VPS29: variants seen among roughly 807,000 people sequenced by gnomAD.
VPS29 encodes VPS29 retromer complex component.
VPS29 carries 2 observed loss-of-function variants against 20.0 expected under a neutral mutation model. The observed-to-expected ratio is 0.10, with a 90% CI of 0.04 to 0.31. The LOEUF (loss-of-function observed/expected upper bound fraction) is 0.31, where lower values mean the gene tolerates loss of function less well. Among genes scored for constraint, VPS29 ranks in the 10% least tolerant of loss-of-function variants. The pLI, the probability that VPS29 is intolerant of heterozygous loss-of-function variation, is 1.00. For missense variants in VPS29, 120 were observed against 215.3 expected (o/e 0.56, Z 2.77); for synonymous variants, 81 against 79.3 (o/e 1.02, Z -0.12).
At chr12:110,501,751 C>A (rs1334826318) in intron 1 of VPS29, 1 of 1,120,170 alleles carries the variant, frequency 8.9e-7, no homozygotes, top group Non-Finnish European at 1.3e-6. Context: ...AAAGGCCTTC[C>A]CTGGCTCGGG....
rs1400868673 is a variant in VPS29, at chr12:110,493,281, G to GT, written c.196-51dup. 3.8e-6 allele frequency: 5 copies of GT among 1,301,476 alleles called. No homozygotes were observed. The African/African-American group carries it at 7.6e-5, about 20-fold the overall frequency. 80.6% of individuals were successfully genotyped at this position (1,301,476 alleles called of 1,614,324 possible). A position where few individuals can be genotyped will look rare whatever the true frequency, so the allele number is the denominator to read the frequency against. ...AAATATGTATTTTAGAGATACTGAT[G>GT]TTTAAAAAAATCAGTTTCCTTAAAT... On this transcript the variant is annotated intron_variant, in intron 2 of 3. Coordinates refer to ENST00000549578, the MANE Select transcript of VPS29 (RefSeq NM_016226.5).
In VPS29 at chr12:110,501,759, G is replaced by A. The variant is rs2063057836; in HGVS notation, c.3+290C>T. 8 of 1,084,068 alleles carry A rather than the reference G, an allele frequency of 7.4e-6. No homozygotes were observed. In the East Asian group the frequency reaches 1.0e-4, roughly 14 times the overall value. The allele number at this position is 1,084,068 out of a possible 1,614,324, so 67.2% of individuals were successfully genotyped here. On this transcript the variant is annotated intron_variant, in intron 1 of 3. Coordinates refer to ENST00000549578, the MANE Select transcript of VPS29 (RefSeq NM_016226.5). ...TAGGACCAAAGGCCTTCCCTGGCTC[G>A]GGCGTGCGTGTCTCGTGACAGGTCG... is the stretch of plus-strand genomic sequence containing the variant.
intron 1 of VPS29, among the ~76,000 whole-genome samples, chr12:110,498,527 A>C (rs1317727752): frequency 2.6e-5 from 4 of 152,228 alleles, no homozygotes; most frequent in Admixed American, 6.5e-5. Context: ...TTACCAAAAG[A>C]AGCTTGATTT....
At chr12:110,497,298 C>T (rs1481312942) in intron 1 of VPS29, among the ~76,000 whole-genome samples, 3 of 145,378 alleles carry the variant, frequency 2.1e-5, no homozygotes, top group African/African-American at 7.8e-5. Context: ...CTCACTGCAA[C>T]CTCCGCCTCC....
intron 2 of VPS29, among the ~76,000 whole-genome samples, chr12:110,493,802 C>T (rs2062856217): frequency 6.6e-6 from 1 of 152,164 alleles, no homozygotes; most frequent in Admixed American, 6.5e-5. Context: ...TTCTTTTGCG[C>T]ATGCTGTAAA....
chr12:110,498,834 A>G (rs1281112198), intron 1 of VPS29: 6 of 984,324 alleles, frequency 6.1e-6, no homozygotes, highest in Non-Finnish European at 7.2e-6. Flanking sequence ...ATATAGAACA[A>G]TCTTCATTTT....
At position 110,499,251 on chromosome 12, in the gene VPS29, G is replaced by A. The variant is rs2062955549; in HGVS notation, c.3+2798C>T. 9.3e-6 allele frequency: 3 copies of A among 323,636 alleles called. No individual in the cohort carries two copies. The South Asian group carries it at 1.6e-4, about 17-fold the overall frequency. The allele number at this position is 323,636 out of a possible 1,614,324, so 20.0% of individuals were successfully genotyped here. ...CCTCTGGTTTCCTGCTGATGACAAA[G>A]TTATGGGGAAATAGTGTTACATAAC... On this transcript the variant is annotated intron_variant, in intron 1 of 3. Coordinates refer to ENST00000549578, the MANE Select transcript of VPS29 (RefSeq NM_016226.5).
intron 2 of VPS29, among the ~76,000 whole-genome samples, chr12:110,494,444 CAG>C (rs998146007): frequency 2.6e-4 from 40 of 151,278 alleles, no homozygotes; most frequent in African/African-American, 7.5e-4. Flanking sequence ...TTAGTGGAGA[CAG>C]GGGTTCACCG....
intron 1 of VPS29, 105 bp from the exon 2 acceptor site, chr12:110,496,308 TC>T (rs2135581721): frequency 1.0e-6 from 1 of 976,932 alleles, no homozygotes; most frequent in South Asian, 2.5e-5. Flanking sequence ...AGATCCCGAA[TC>T]CCAGAAATTA....
chr12:110,493,525 A>G (rs1592990976), intron 2 of VPS29, among the ~76,000 whole-genome samples: 1 of 151,864 alleles, frequency 6.6e-6, no homozygotes, highest in East Asian at 1.9e-4. Flanking sequence ...ACGCCCGCCT[A>G]ATTTTTTTGT....
intron 1 of VPS29, among the ~76,000 whole-genome samples, chr12:110,501,169 C>G (rs1294592485): frequency 1.3e-5 from 2 of 152,072 alleles, no homozygotes; most frequent in Non-Finnish European, 2.9e-5. Context: ...CAGAGCGAGA[C>G]TCCATCTCAA....
intron 1 of VPS29, chr12:110,499,059 G>C (rs1452242559): frequency 6.4e-6 from 1 of 155,638 alleles, no homozygotes; most frequent in African/African-American, 2.4e-5. Context: ...GAATGTACCA[G>C]AAAGAACATT....
chr12:110,498,056 C>T (rs1345010529), intron 1 of VPS29, among the ~76,000 whole-genome samples: 1 of 149,598 alleles, frequency 6.7e-6, no homozygotes, highest in Non-Finnish European at 1.5e-5. Context: ...ACTGCAACCT[C>T]TGCCTCCCAG....
intron 2 of VPS29, among the ~76,000 whole-genome samples, chr12:110,494,655 T>C (rs1454417550): frequency 6.6e-6 from 1 of 152,132 alleles, no homozygotes; most frequent in Non-Finnish European, 1.5e-5. Context: ...TCATATTTAC[T>C]AAGGATCAGA....
intron 3 of VPS29, 53 bp downstream of exon 3, chr12:110,492,943 A>C: frequency 6.8e-7 from 1 of 1,472,440 alleles, no homozygotes; most frequent in Non-Finnish European, 9.3e-7. Flanking sequence ...GAAATGTCAC[A>C]CATGCAATTA....
chr12:110,500,246 T>C (rs2062983070), intron 1 of VPS29, among the ~76,000 whole-genome samples: 1 of 152,230 alleles, frequency 6.6e-6, no homozygotes, highest in African/African-American at 2.4e-5. Flanking sequence ...GTGTTGAACG[T>C]CTGTATCCTT....
chr12:110,501,009 G>A (rs956947543), intron 1 of VPS29, among the ~76,000 whole-genome samples: 1 of 151,924 alleles, frequency 6.6e-6, no homozygotes, highest in Admixed American at 6.6e-5. Context: ...GTGAAACCCC[G>A]TCTCTACTAA....
chr12:110,496,386 A>G (rs980210616), intron 1 of VPS29, 183 bp from the exon 2 acceptor site: 2 of 513,360 alleles, frequency 3.9e-6, no homozygotes, highest in Admixed American at 6.9e-5. Context: ...ATTTTTCTTC[A>G]GGTCATCAGC....
chr12:110,492,071 G>T lies in VPS29; in HGVS notation c.483C>A (p.Val161=). 1 of 1,613,780 alleles carries T rather than the reference G, an allele frequency of 6.2e-7. No individual in the cohort carries two copies. Among genetic ancestry groups the T allele is most frequent in the South Asian group, 1.1e-5 (1 of 91,058 alleles). The change falls in exon 4 of 4, where the codon GTC becomes GTA. Residue 161 remains valine (V), a synonymous_variant. Coordinates refer to ENST00000549578, the MANE Select transcript of VPS29 (RefSeq NM_016226.5). ...CTCCAATTAGCTGATACACATAGGTGACCACTGTAGAAGCCTGGATATCCA... is the reference window on the plus strand; with the variant it reads ...CTCCAATTAGCTGATACACATAGGTTACCACTGTAGAAGCCTGGATATCCA... The part of the protein sequence containing the change: ...VLMDIQASTV[V]TYVYQLIGDD...
Sources: allele counts gnomAD v4.1 joint callset (sites outside exome capture counted in the v4.1 genomes callset), GRCh38; gene constraint gnomAD v4.1.1; transcripts MANE v1.5; gene names NCBI Gene and HGNC (gene_info 2026-07-23, HGNC 2026-07-21).